The following MITF variants were observed in gnomAD, a reference collection of about 807,000 sequenced individuals.
MITF encodes melanocyte inducing transcription factor.
In MITF, 17 loss-of-function variants were observed where a neutral mutation model predicts 60.5. The ratio of observed to expected loss-of-function variants is 0.28; its 90% CI spans 0.19 to 0.42. The LOEUF is 0.42. MITF is among the 10% of genes least tolerant of loss of function. The pLI, the probability that MITF is intolerant of heterozygous loss-of-function variation, is 1.00. For synonymous variants in MITF, 260 were observed against 248.5 expected, an observed-to-expected ratio of 1.05 and a Z score of -0.43; for missense variants, 622 against 683.5, an observed-to-expected ratio of 0.91 and a Z score of 1.00.
rs886058812 is a variant in MITF, at chr3:69,965,669, G to T, written c.*421G>T. On this transcript the variant is annotated 3_prime_UTR_variant, in exon 10 of 10. Transcript: ENST00000352241. ...AACCAAAAAGAAAAAAAAAAAGAAAGAAAGAGGAAAAGAAATCCATACTAA... is the reference window on the plus strand; with the variant it reads ...AACCAAAAAGAAAAAAAAAAAGAAATAAAGAGGAAAAGAAATCCATACTAA... 9 of 252,848 alleles carry T rather than the reference G, an allele frequency of 3.6e-5. No individual in the cohort carries two copies. The highest frequency in any genetic ancestry group is 4.8e-5 in the Admixed American group (1 of 20,778). The allele number at this position is 252,848 out of a possible 1,614,324, so 15.7% of individuals were successfully genotyped here.
At chr3:69,846,834 A>AG (rs1311091925) in intron 1 of MITF, among the ~76,000 whole-genome samples, 3 of 151,202 alleles carry the variant, frequency 2.0e-5, no homozygotes, top group Non-Finnish European at 1.5e-5. Flanking sequence ...AAAAAAAAAA[A>AG]AAGGAATATA....
intron 2 of MITF, among the ~76,000 whole-genome samples, chr3:69,923,957 G>A (rs559864975): frequency 1.2e-4 from 18 of 152,008 alleles, no homozygotes; most frequent in African/African-American, 4.1e-4. Flanking sequence ...GAAAAATAAA[G>A]CTCTGCCTAA....
intron 7 of MITF, among the ~76,000 whole-genome samples, chr3:69,954,642 G>GA (rs904913158): frequency 7.9e-5 from 12 of 151,788 alleles, no homozygotes; most frequent in Non-Finnish European, 1.6e-4. Flanking sequence ...TATGTGCTTG[G>GA]AAAAAAAATA....
intron 2 of MITF, among the ~76,000 whole-genome samples, chr3:69,909,237 C>G (rs1414247145): frequency 6.6e-6 from 1 of 152,170 alleles, no homozygotes; most frequent in Non-Finnish European, 1.5e-5. Context: ...TTTGCTTCCT[C>G]CTCATTTTCT....
intron 5 of MITF, among the ~76,000 whole-genome samples, chr3:69,945,702 A>G (rs1037576313): frequency 7.9e-5 from 12 of 152,182 alleles, no homozygotes; most frequent in Non-Finnish European, 1.8e-4. Flanking sequence ...GGGATGGATA[A>G]GTCTTTGTGG....
At chr3:69,879,105 ATGT>A (rs778759662) in intron 1 of MITF, 26 bp from the exon 2 acceptor site, 8 of 1,597,294 alleles carry the variant, frequency 5.0e-6, no homozygotes, top group East Asian at 2.2e-5. Flanking sequence ...AGGAAACTAA[ATGT>A]TGTATGCATT....
intron 2 of MITF, among the ~76,000 whole-genome samples, chr3:69,930,101 A>G (rs895481199): frequency 6.6e-6 from 1 of 152,180 alleles, no homozygotes; most frequent in Admixed American, 6.5e-5. Context: ...CCAATTTGGA[A>G]GAGTGGATGA....
intron 2 of MITF, chr3:69,936,525 T>C: frequency 8.2e-7 from 1 of 1,219,562 alleles, no homozygotes; most frequent in Non-Finnish European, 1.1e-6. Context: ...TATGTGAACG[T>C]TTTTTTTTAC....
At chr3:69,784,721 T>C (rs2062620828) in intron 1 of MITF, among the ~76,000 whole-genome samples, 1 of 152,204 alleles carries the variant, frequency 6.6e-6, no homozygotes, top group Non-Finnish European at 1.5e-5. Flanking sequence ...ATTGGAACTT[T>C]TCCAGGTGAC....
intron 2 of MITF, among the ~76,000 whole-genome samples, chr3:69,910,455 T>C: frequency 6.6e-6 from 1 of 152,086 alleles, no homozygotes; most frequent in East Asian, 1.9e-4. Flanking sequence ...CTATCCTCCA[T>C]ACCCCAGAAT....
intron 1 of MITF, among the ~76,000 whole-genome samples, chr3:69,823,331 T>A (rs900821694): frequency 6.6e-6 from 1 of 152,204 alleles, no homozygotes; most frequent in Non-Finnish European, 1.5e-5. Flanking sequence ...ACACAACATA[T>A]TTATTTTTCA....
chr3:69,912,383 T>C (rs1398473057), intron 2 of MITF, among the ~76,000 whole-genome samples: 8 of 152,158 alleles, frequency 5.3e-5, no homozygotes, highest in African/African-American at 1.9e-4. Context: ...ACAATGACTA[T>C]TCTATCATTT....
chr3:69,821,358 T>C (rs1366177830), intron 1 of MITF, among the ~76,000 whole-genome samples: 1 of 152,164 alleles, frequency 6.6e-6, no homozygotes, highest in Non-Finnish European at 1.5e-5. Flanking sequence ...GTCTTTGTTT[T>C]GTGGGTTGCT....
chr3:69,805,081 A>G (rs1287724414), intron 1 of MITF, among the ~76,000 whole-genome samples: 1 of 152,198 alleles, frequency 6.6e-6, no homozygotes, highest in Non-Finnish European at 1.5e-5. Context: ...TAAACAAACA[A>G]GAACCAAGTC....
At chr3:69,856,768 G>C (rs1045556094) in intron 1 of MITF, among the ~76,000 whole-genome samples, 4 of 151,822 alleles carry the variant, frequency 2.6e-5, no homozygotes, top group African/African-American at 4.8e-5. Context: ...GATATGTTGG[G>C]TTACTTTTTT....
chr3:69,894,561 C>G (rs1246141222), intron 2 of MITF, among the ~76,000 whole-genome samples: 3 of 151,836 alleles, frequency 2.0e-5, no homozygotes, highest in African/African-American at 7.3e-5. Context: ...TGGCGGGCAC[C>G]TGTAATCCCT....
intron 1 of MITF, among the ~76,000 whole-genome samples, chr3:69,798,785 G>A (rs2062871208): frequency 6.6e-6 from 1 of 151,934 alleles, no homozygotes; most frequent in South Asian, 2.1e-4. Flanking sequence ...CCCTGCACAG[G>A]GCCTTTGCAT....
chr3:69,911,860 C>T (rs764587999), intron 2 of MITF, among the ~76,000 whole-genome samples: 8 of 152,112 alleles, frequency 5.3e-5, no homozygotes, highest in Non-Finnish European at 1.0e-4. Flanking sequence ...AACAGTTTGG[C>T]AATATTTAAT....
At chr3:69,899,516 A>G (rs963875033) in intron 2 of MITF, among the ~76,000 whole-genome samples, 2 of 152,168 alleles carry the variant, frequency 1.3e-5, no homozygotes, top group Admixed American at 1.3e-4. Context: ...TTGCAGAGAC[A>G]GCGTAAACCT....
Sources: allele counts gnomAD v4.1 joint callset (sites outside exome capture counted in the v4.1 genomes callset), GRCh38; gene constraint gnomAD v4.1.1; transcripts MANE v1.5; gene names NCBI Gene and HGNC (gene_info 2026-07-23, HGNC 2026-07-21).